Variants in CASK observed in about 807,000 individuals in gnomAD.
CASK encodes the protein calcium/calmodulin dependent serine protein kinase, also known as peripheral plasma membrane protein CASK.
A neutral mutation model predicts 82.9 loss-of-function variants in CASK; 4 were observed. The observed-to-expected ratio is 0.05, with a 90% CI of 0.02 to 0.11. The LOEUF (loss-of-function observed/expected upper bound fraction) is 0.11, where lower values mean the gene tolerates loss of function less well. CASK is among the 10% of genes least tolerant of loss of function. The pLI is 1.00. For missense variants in CASK, 358 were observed against 720.9 expected, an observed-to-expected ratio of 0.50 and a Z score of 5.76; for synonymous variants, 259 against 253.5, an observed-to-expected ratio of 1.02 and a Z score of -0.20.
At chrX:41,784,034 G>T (rs868203818) in intron 3 of CASK, among the ~76,000 whole-genome samples, 3 of 112,000 alleles carry the variant, frequency 2.7e-5, no homozygotes, top group Non-Finnish European at 5.6e-5. Flanking sequence ...AGTCCTTCCA[G>T]GAGACACATG....
chrX:41,662,165 T>C lies in CASK; in HGVS notation c.709-1604A>G, dbSNP rs141985929. Among the ~76,000 whole-genome samples, 749 of 111,539 alleles carry C rather than the reference T, an allele frequency of 6.7e-3. 12 individuals are homozygous for C. The highest frequency in any genetic ancestry group is 0.023 in the African/African-American group (716 of 30,725). ...GGAACAAAATAAGGCTATAAAACAATCTTACTTATTTGAATACCAAACCCA... is the reference window on the plus strand; with the variant it reads ...GGAACAAAATAAGGCTATAAAACAACCTTACTTATTTGAATACCAAACCCA... On this transcript the variant is annotated intron_variant, in intron 7 of 26. Coordinates refer to ENST00000378163, the MANE Select transcript of CASK (RefSeq NM_001367721.1).
rs2065984354 is a variant in CASK at position 41,607,936 on chromosome X, A to T, written c.1155+1968T>A. 2.7e-5 allele frequency among the ~76,000 whole-genome samples: 3 copies of T among 112,166 alleles called. No homozygotes were observed. The South Asian group carries it at 1.1e-3, about 42-fold the overall frequency. ...AAGTAAACTTCTATTCTGTTAAGCC[A>T]CTCAAATTTTAGAATCACATGTTAT... is the stretch of plus-strand genomic sequence containing the variant. On this transcript the variant is annotated intron_variant, in intron 12 of 26. Coordinates refer to ENST00000378163, the MANE Select transcript of CASK (RefSeq NM_001367721.1).
Position 41,518,852 on chromosome X carries a change from C to G in CASK, c.*1568G>C, listed in dbSNP as rs1163313935. The stretch of plus-strand genomic sequence containing the variant: ...TGACCTCTGGCAAAGAGTCTGAGAA[C>G]CCCAGCCCGAATCTCCTGTATTGGA... On this transcript the variant is annotated 3_prime_UTR_variant, in exon 27 of 27. Coordinates refer to ENST00000378163, the MANE Select transcript of CASK (RefSeq NM_001367721.1). The G allele has an allele frequency of 2.7e-5, 3 of 111,574 alleles. No individual in the cohort carries two copies. Among genetic ancestry groups the G allele is most frequent in the Non-Finnish European group, 5.6e-5 (3 of 53,122 alleles). 9.2% of individuals were successfully genotyped at this position (111,574 alleles called of 1,213,427 possible).
At chrX:41,663,652 GAACA>G (rs1408387650) in intron 7 of CASK, among the ~76,000 whole-genome samples, 2 of 111,977 alleles carry the variant, frequency 1.8e-5, no homozygotes, top group African/African-American at 3.2e-5. Context: ...GTTAACAACT[GAACA>G]AACACAAAGG....
chrX:41,540,160 C>T (rs996644242), intron 22 of CASK, among the ~76,000 whole-genome samples: 1 of 111,850 alleles, frequency 8.9e-6, no homozygotes, highest in Non-Finnish European at 1.9e-5. Flanking sequence ...GATGCCCAGA[C>T]GGCCGCTGGT....
chrX:41,770,727 CA>C (rs755623361), intron 3 of CASK, among the ~76,000 whole-genome samples: 11 of 110,722 alleles, frequency 9.9e-5, no homozygotes, highest in Admixed American at 7.8e-4. Flanking sequence ...GAAATAGAAA[CA>C]TAAAACTGAA....
At chrX:41,636,843 T>C (rs1035542182) in intron 8 of CASK, among the ~76,000 whole-genome samples, 182 bp from the exon 9 acceptor site, 6 of 112,232 alleles carry the variant, frequency 5.3e-5, no homozygotes, top group African/African-American at 1.9e-4. Context: ...GTTAAACTGA[T>C]AGTAATAAAA....
rs1341606817 is a variant in CASK, at chrX:41,665,471, T to G, written c.533-19A>C. 8.7e-7 allele frequency: 1 copy of G among 1,145,965 alleles called. No homozygotes were observed. Among genetic ancestry groups the G allele is most frequent in the Admixed American group, 2.3e-5 (1 of 43,740 alleles). The allele number at this position is 1,145,965 out of a possible 1,213,427, so 94.4% of individuals were successfully genotyped here. A position where few individuals can be genotyped will look rare whatever the true frequency, so the allele number is the denominator to read the frequency against. ...ACACGTCCTACATTTAAAACAACAT[T>G]AAGGAAAAATGTTTACATAAAATGG... is the stretch of plus-strand genomic sequence containing the variant. On this transcript the variant is annotated intron_variant, in intron 6 of 26. Transcript: ENST00000378163.
chrX:41,647,518 C>T (rs781572962), intron 8 of CASK, among the ~76,000 whole-genome samples: 2 of 111,187 alleles, frequency 1.8e-5, no homozygotes, highest in South Asian at 7.6e-4. Flanking sequence ...TCTGTTTAAT[C>T]GGTTTGTTTT....
intron 3 of CASK, among the ~76,000 whole-genome samples, chrX:41,766,971 T>C (rs2069127007): frequency 8.9e-6 from 1 of 112,393 alleles, no homozygotes; most frequent in Non-Finnish European, 1.9e-5. Flanking sequence ...TATATAACTA[T>C]AATACCAAAA....
chrX:41,789,530 G>T (rs1340220770), intron 2 of CASK, among the ~76,000 whole-genome samples: 2 of 111,493 alleles, frequency 1.8e-5, no homozygotes, highest in Non-Finnish European at 3.8e-5. Context: ...CAGCTGTGGG[G>T]TTTGTGCTGG....
chrX:41,810,563 C>G (rs375658339), intron 2 of CASK, among the ~76,000 whole-genome samples: 1 of 111,181 alleles, frequency 9.0e-6, no homozygotes. Context: ...CAGGCCTGCC[C>G]TACAAGAGCT....
chrX:41,665,379 G>A lies in CASK; in HGVS notation c.606C>T (p.Val202=). Residue 202 remains valine, a synonymous_variant, in exon 7 of 27, where the codon GTC becomes GTT. Coordinates refer to ENST00000378163, the MANE Select transcript of CASK (RefSeq NM_001367721.1). ...TAAAAAGGATCACACCGCACCCCCA[G>A]ACGTCTACAGGCTTTCCGTAAGGCT... ...KREPYGKPVD[V]WGCGVILFIL... is the part of the protein sequence containing the mutation. 8.3e-7 allele frequency: 1 copy of A among 1,208,861 alleles called. No individual in the cohort carries two copies. The highest frequency in any genetic ancestry group is 1.1e-6 in the Non-Finnish European group (1 of 893,148).
At chrX:41,825,170 C>G (rs2070634277) in intron 2 of CASK, among the ~76,000 whole-genome samples, 1 of 111,212 alleles carries the variant, frequency 9.0e-6, no homozygotes, top group Non-Finnish European at 1.9e-5. Flanking sequence ...ATGCCTATAT[C>G]AAAACATCTC....
intron 5 of CASK, among the ~76,000 whole-genome samples, chrX:41,692,199 T>C (rs1276607213): frequency 1.8e-5 from 2 of 112,505 alleles, no homozygotes; most frequent in African/African-American, 6.5e-5. Context: ...GTTAATGGTT[T>C]GGCCATCTAG....
chrX:41,687,509 A>C (rs866175193), intron 5 of CASK, among the ~76,000 whole-genome samples: 11 of 112,248 alleles, frequency 9.8e-5, no homozygotes, highest in Middle Eastern at 9.3e-3. Context: ...AGTCCAAATC[A>C]ATGAAACATA....
At chrX:41,536,126 A>G (rs2064869862) in intron 22 of CASK, among the ~76,000 whole-genome samples, 1 of 111,170 alleles carries the variant, frequency 9.0e-6, no homozygotes, top group African/African-American at 3.3e-5. Context: ...TTATTTATTT[A>G]TTTATTTATG....
chrX:41,626,665 G>A lies in CASK; in HGVS notation c.954C>T (p.Asn318=), dbSNP rs1307477390. 1.7e-6 allele frequency: 2 copies of A among 1,206,458 alleles called. No individual in the cohort carries two copies. Among genetic ancestry groups the A allele is most frequent in the East Asian group, 3.0e-5 (1 of 33,860 alleles). ...CTTCAGGGGGATCCCCATAGAATGA[G>A]TTGAATTTGTGACTTGACACAGCGG... ...VLAAVSSHKF[N]SFYGDPPEEL... The change falls in exon 10 of 27, where the codon AAC becomes AAT. Residue 318 remains asparagine (N), a synonymous_variant. Coordinates refer to ENST00000378163, the MANE Select transcript of CASK (RefSeq NM_001367721.1).
rs185878611 is a variant in CASK at position 41,920,070 on chromosome X, G to C, written c.59+2860C>G. ...AGTGGGTGAGTGAGTAGGTGGTTGC[G>C]TAGGTAGAGGAGTGAGTGGGTAGTC... On this transcript the variant is annotated intron_variant, in intron 1 of 26. Transcript: ENST00000378163. Among the ~76,000 whole-genome samples the C allele has an allele frequency of 8.9e-5, 10 of 112,022 alleles. No individual in the cohort carries two copies. The East Asian group carries it at 2.8e-3, about 31-fold the overall frequency.
Sources: allele counts gnomAD v4.1 joint callset (sites outside exome capture counted in the v4.1 genomes callset), GRCh38; gene constraint gnomAD v4.1.1; transcripts MANE v1.5; gene names NCBI Gene and HGNC (gene_info 2026-07-23, HGNC 2026-07-21).